FRAS1: variants seen among roughly 807,000 people sequenced by gnomAD.
FRAS1 encodes Fraser extracellular matrix complex subunit 1, also known as extracellular matrix organizing protein FRAS1.
In FRAS1, 290 loss-of-function variants were observed where a neutral mutation model predicts 435.2. The ratio of observed to expected loss-of-function variants is 0.67; its 90% CI spans 0.61 to 0.73. FRAS1 has a LOEUF of 0.73. Ranked by LOEUF, FRAS1 falls within the 30% of genes least tolerant of loss-of-function variation. The pLI is 0.00. For synonymous variants in FRAS1, 1,800 were observed against 1,851.0 expected, an observed-to-expected ratio of 0.97 and a Z score of 0.71; for missense variants, 4,860 against 5,001.5, an observed-to-expected ratio of 0.97 and a Z score of 0.85.
Position 78,400,786 on chromosome 4 carries a change from G to T in FRAS1, c.4028G>T (p.Gly1343Val), listed in dbSNP as rs182375530. The T allele has an allele frequency of 6.2e-6, 10 of 1,613,412 alleles. No individual in the cohort carries two copies. The highest frequency in any genetic ancestry group is 3.3e-5 in the South Asian group (3 of 90,970). The change falls in exon 30 of 74, where the codon GGG becomes GTG. Residue 1343 changes from glycine to valine, a missense_variant. By Grantham distance (109) the Gly-to-Val change is moderately radical (BLOSUM62 -3). Transcript: ENST00000512123. ...AATTCGATGGTGTGGGTTCCAGAAGGGGGGATGCTGCAGATCACCAACAGA... is the reference window on the plus strand; with the variant it reads ...AATTCGATGGTGTGGGTTCCAGAAGTGGGGATGCTGCAGATCACCAACAGA... ...VANSMVWVPE[G>V]GMLQITNRIL... is the part of the protein sequence containing the mutation.
intron 61 of FRAS1, among the ~76,000 whole-genome samples, chr4:78,501,706 C>G (rs1322664149): frequency 6.6e-6 from 1 of 152,142 alleles, no homozygotes; most frequent in Non-Finnish European, 1.5e-5. Context: ...TTGCATTTCT[C>G]TGATGACCGA....
intron 9 of FRAS1, among the ~76,000 whole-genome samples, chr4:78,274,378 G>A (rs61283188): frequency 1.3e-5 from 2 of 152,170 alleles, no homozygotes; most frequent in South Asian, 2.1e-4. Context: ...GTTTGCTCTT[G>A]CTTCTCTAGT....
intron 63 of FRAS1, among the ~76,000 whole-genome samples, 175 bp downstream of exon 63, chr4:78,509,181 A>C (rs538432070): frequency 6.6e-6 from 1 of 152,384 alleles, no homozygotes; most frequent in South Asian, 2.1e-4. Flanking sequence ...ATGCTGTAAT[A>C]GAAAACTAAG....
intron 2 of FRAS1, among the ~76,000 whole-genome samples, chr4:78,111,608 C>T (rs373047679): frequency 1.6e-4 from 16 of 97,148 alleles, no homozygotes; most frequent in South Asian, 8.9e-4. Context: ...GTGGTGGGGT[C>T]GGGGGAGGGG....
intron 2 of FRAS1, among the ~76,000 whole-genome samples, chr4:78,194,995 G>C (rs1722736890): frequency 6.6e-6 from 1 of 152,172 alleles, no homozygotes; most frequent in Non-Finnish European, 1.5e-5. Context: ...CTAACAGTCA[G>C]GTCCCTCAGC....
intron 36 of FRAS1, among the ~76,000 whole-genome samples, chr4:78,429,627 C>G (rs1348657693): frequency 6.6e-6 from 1 of 152,142 alleles, no homozygotes; most frequent in African/African-American, 2.4e-5. Context: ...TTGTGAAGAA[C>G]TAGAGTTGAC....
rs142022558 is a variant in FRAS1 at position 78,522,624 on chromosome 4, A to T, written c.10649-25A>T. 409 of 1,577,920 alleles carry T rather than the reference A, an allele frequency of 2.6e-4. 4 individuals carry two copies. In the East Asian group the frequency reaches 9.2e-3, roughly 36 times the overall value. On this transcript the variant is annotated intron_variant, in intron 68 of 73. Transcript: ENST00000512123. ...TAAAGCTCTACCACAAGTACATTAAATGCATGTGTTTCCCCTTCAAATAGG... is the reference window on the plus strand; with the variant it reads ...TAAAGCTCTACCACAAGTACATTAATTGCATGTGTTTCCCCTTCAAATAGG...
intron 15 of FRAS1, among the ~76,000 whole-genome samples, chr4:78,311,573 T>A (rs1374242040): frequency 6.6e-6 from 1 of 152,222 alleles, no homozygotes; most frequent in Non-Finnish European, 1.5e-5. Flanking sequence ...GGGAGTTTCC[T>A]GGGATTTATA....
At chr4:78,220,989 A>G (rs1724027872) in intron 2 of FRAS1, among the ~76,000 whole-genome samples, 1 of 152,092 alleles carries the variant, frequency 6.6e-6, no homozygotes, top group Admixed American at 6.6e-5. Flanking sequence ...GTGACATGGC[A>G]AAACCCTGTC....
At chr4:78,319,416 A>G (rs889330617) in intron 18 of FRAS1, 6 of 457,176 alleles carry the variant, frequency 1.3e-5, no homozygotes, top group South Asian at 7.7e-5. Context: ...TTGCCTTGGC[A>G]TATCATCTAC....
chr4:78,393,028 A>G (rs1307306569), intron 29 of FRAS1, among the ~76,000 whole-genome samples: 1 of 151,266 alleles, frequency 6.6e-6, no homozygotes, highest in Non-Finnish European at 1.5e-5. Context: ...TTTTTTAAAA[A>G]AAACCCTACT....
chr4:78,115,343 T>C (rs1560529692), intron 2 of FRAS1, among the ~76,000 whole-genome samples: 1 of 152,316 alleles, frequency 6.6e-6, no homozygotes, highest in East Asian at 1.9e-4. Context: ...GCTGGCCTCA[T>C]AAAATAACTT....
intron 59 of FRAS1, among the ~76,000 whole-genome samples, chr4:78,491,385 A>G (rs1189357285): frequency 6.6e-6 from 1 of 152,240 alleles, no homozygotes; most frequent in African/African-American, 2.4e-5. Flanking sequence ...TCTGATGAAC[A>G]TCAATGCGAA....
intron 20 of FRAS1, among the ~76,000 whole-genome samples, chr4:78,345,153 A>G (rs1730558270): frequency 6.6e-6 from 1 of 152,176 alleles, no homozygotes; most frequent in African/African-American, 2.4e-5. Flanking sequence ...ATGATTAGAT[A>G]TGTGTTTCAT....
chr4:78,291,778 A>G (rs1727909723), intron 14 of FRAS1, among the ~76,000 whole-genome samples: 1 of 152,230 alleles, frequency 6.6e-6, no homozygotes, highest in Admixed American at 6.5e-5. Context: ...AACAAAACAA[A>G]CAAAAACAAA....
chr4:78,242,025 A>G (rs923395803), intron 3 of FRAS1, among the ~76,000 whole-genome samples: 2 of 152,152 alleles, frequency 1.3e-5, no homozygotes, highest in Non-Finnish European at 2.9e-5. Context: ...CCTTATCTGT[A>G]AAATGAGAGG....
chr4:78,312,671 A>T lies in FRAS1; in HGVS notation c.1679-2923A>T, dbSNP rs1487850769. 1.1e-4 allele frequency among the ~76,000 whole-genome samples: 16 copies of T among 145,528 alleles called. No individual in the cohort carries two copies. In the Admixed American group the frequency reaches 1.1e-3, roughly 10 times the overall value. ...GTGAGACCTCATCTCTACTAAAAATAAAAAAAAAAAATTAGCCAGGTGTGG... is the reference window on the plus strand; with the variant it reads ...GTGAGACCTCATCTCTACTAAAAATTAAAAAAAAAAATTAGCCAGGTGTGG... On this transcript the variant is annotated intron_variant, in intron 15 of 73. Coordinates refer to ENST00000512123, the MANE Select transcript of FRAS1 (RefSeq NM_025074.7).
chr4:78,472,905 G>T (rs1290600312), intron 52 of FRAS1, among the ~76,000 whole-genome samples: 3 of 152,090 alleles, frequency 2.0e-5, no homozygotes, highest in Admixed American at 6.5e-5. Flanking sequence ...CAAAATTCAT[G>T]CTCCATGAAT....
At chr4:78,408,030 A>C (rs577087606) in intron 31 of FRAS1, among the ~76,000 whole-genome samples, 189 bp downstream of exon 31, 1 of 152,342 alleles carries the variant, frequency 6.6e-6, no homozygotes, top group African/African-American at 2.4e-5. Flanking sequence ...AAAGAGGTTT[A>C]ATGGACTCAC....
Sources: gnomAD v4.1 joint callset for allele counts (sites outside exome capture counted in the v4.1 genomes callset) on GRCh38, gnomAD v4.1.1 for gene constraint, MANE v1.5 for transcripts, NCBI Gene and HGNC (gene_info 2026-07-23, HGNC 2026-07-21) for gene names.